The following PSMB3 variants were observed in gnomAD, a reference collection of about 807,000 sequenced individuals.
PSMB3 encodes proteasome 20S subunit beta 3, also known as proteasome subunit beta type-3.
Under a neutral mutation model 23.3 loss-of-function variants are expected in PSMB3, and 5 were observed. The ratio of observed to expected loss-of-function variants is 0.21; its 90% confidence interval spans 0.11 to 0.45. PSMB3 has a LOEUF of 0.45. Among genes scored for constraint, PSMB3 ranks in the 20% least tolerant of loss-of-function variants. The probability of loss-of-function intolerance (pLI) is 0.99; values close to 1 mark genes in which losing one functional copy is unlikely to be tolerated. For synonymous variants in PSMB3, 85 were observed against 99.8 expected (o/e 0.85, Z 0.88); for missense variants, 192 against 277.9 (o/e 0.69, Z 2.20).
chr17:38,763,409 T>C (rs904170775), intron 5 of PSMB3, among the ~76,000 whole-genome samples: 1 of 150,604 alleles, frequency 6.6e-6, no homozygotes, highest in African/African-American at 2.4e-5. Context: ...CCACCGACGG[T>C]TTTTTTTTAT....
In PSMB3 at chr17:38,764,188, T is replaced by A; in HGVS notation, c.*21T>A. The stretch of plus-strand genomic sequence containing the variant: ...ACTAACCCTGTTCCCAGAGCCCACT[T>A]TTTTTTCTTTTTTTGAAATAAAATA... On this transcript the variant is annotated 3_prime_UTR_variant, in exon 6 of 6. Coordinates refer to ENST00000619426, the MANE Select transcript of PSMB3 (RefSeq NM_002795.4). 2 of 1,608,760 alleles carry A rather than the reference T, an allele frequency of 1.2e-6. No individual in the cohort carries two copies. The highest frequency in any genetic ancestry group is 1.7e-6 in the Non-Finnish European group (2 of 1,177,240).
chr17:38,763,541 G>A (rs1229727757), intron 5 of PSMB3, among the ~76,000 whole-genome samples: 7 of 112,394 alleles, frequency 6.2e-5, no homozygotes, highest in Non-Finnish European at 9.9e-5. Context: ...TCATTCTGTC[G>A]CCCAGGCTGG....
chr17:38,762,564 T>C, intron 5 of PSMB3, 59 bp downstream of exon 5: 1 of 1,485,976 alleles, frequency 6.7e-7, no homozygotes, highest in South Asian at 1.1e-5. Context: ...CTCTCCCTTC[T>C]CCACGAGCAT....
chr17:38,752,805 G>A lies in PSMB3; in HGVS notation c.-22G>A, dbSNP rs1320186572. 6.2e-7 allele frequency: 1 copy of A among 1,614,052 alleles called. No homozygotes were observed. Among genetic ancestry groups the A allele is most frequent in the Non-Finnish European group, 8.5e-7 (1 of 1,180,006 alleles). On this transcript the variant is annotated 5_prime_UTR_variant, in exon 1 of 6. Transcript: ENST00000619426. This position sits in a 1 kb window ranked among gnomAD's most constrained non-coding sequence, Gnocchi z 5.5. ...TTACTGGAATTGCTCTGGCGATCGA[G>A]GGATCCTAGTACACCGCAATCATGG... is the stretch of plus-strand genomic sequence containing the variant.
chr17:38,753,742 G>C (rs543465351), intron 2 of PSMB3, among the ~76,000 whole-genome samples: 22 of 152,172 alleles, frequency 1.4e-4, no homozygotes, highest in South Asian at 8.3e-4. Flanking sequence ...GCCTCCCAAA[G>C]TGCTGGGATT....
At chr17:38,754,108 G>T (rs781619617) in intron 2 of PSMB3, among the ~76,000 whole-genome samples, 11 of 152,210 alleles carry the variant, frequency 7.2e-5, no homozygotes, top group Admixed American at 2.0e-4. Flanking sequence ...GGAGCAGCAG[G>T]TCCTGGATTT....
At chr17:38,759,448 C>T (rs1459002593) in intron 3 of PSMB3, among the ~76,000 whole-genome samples, 1 of 152,200 alleles carries the variant, frequency 6.6e-6, no homozygotes, top group East Asian at 1.9e-4. Context: ...TTTGCACCAT[C>T]ATAAAGTTGA....
intron 2 of PSMB3, 144 bp from the exon 3 acceptor site, chr17:38,755,739 C>A: frequency 4.0e-6 from 2 of 496,342 alleles, no homozygotes; most frequent in Non-Finnish European, 3.7e-6. Context: ...GCACCAGTTG[C>A]TACTTCCTAA....
intron 3 of PSMB3, among the ~76,000 whole-genome samples, chr17:38,756,715 C>T (rs113187214): frequency 0.012 from 1,893 of 152,028 alleles, 40 homozygotes; most frequent in African/African-American, 0.043. Context: ...AGGCTGGTCT[C>T]GAACTCCTGA....
intron 2 of PSMB3, among the ~76,000 whole-genome samples, 170 bp from the exon 3 acceptor site, chr17:38,755,713 T>TGTGTGTGTGTGC (rs1908164956): frequency 8.6e-6 from 1 of 116,472 alleles, no homozygotes; most frequent in Admixed American, 8.6e-5. Flanking sequence ...TGTGTGTGTG[T>TGTGTGTGTGTGC]GTGCTGCCAA....
At chr17:38,757,674 G>A (rs1359961999) in intron 3 of PSMB3, among the ~76,000 whole-genome samples, 3 of 152,208 alleles carry the variant, frequency 2.0e-5, no homozygotes, top group African/African-American at 4.8e-5. Flanking sequence ...AATTAGCTGG[G>A]CGTGGTGGCA....
chr17:38,755,979 G>T lies in PSMB3; in HGVS notation c.285G>T (p.Leu95Phe). The change falls in exon 3 of 6, where the codon TTG becomes TTT. Residue 95 changes from leucine (L) to phenylalanine (F), a missense_variant. Transcript: ENST00000619426. ...YTLMSMVANL[L>F]YEKRFGPYYT... ...TCATGAGCATGGTGGCCAACCTCTTGTATGAGAAACGGTGAGTGCAAGTGT... is the reference window on the plus strand; with the variant it reads ...TCATGAGCATGGTGGCCAACCTCTTTTATGAGAAACGGTGAGTGCAAGTGT... 8 of 1,612,956 alleles carry T rather than the reference G, an allele frequency of 5.0e-6. No homozygotes were observed. The highest frequency in any genetic ancestry group is 4.2e-6 in the Non-Finnish European group (5 of 1,178,934).
chr17:38,763,839 C>G (rs1479937687), intron 5 of PSMB3, among the ~76,000 whole-genome samples: 1 of 152,156 alleles, frequency 6.6e-6, no homozygotes, highest in African/African-American at 2.4e-5. Context: ...TGAAGTCTGG[C>G]CCTGAATCAT....
At chr17:38,760,676 T>C (rs1908398027) in intron 4 of PSMB3, 68 bp downstream of exon 4, 1 of 1,569,742 alleles carries the variant, frequency 6.4e-7, no homozygotes, top group South Asian at 1.1e-5. Flanking sequence ...GAAAAAAGTG[T>C]GTTTATGTGG....
Position 38,764,188 on chromosome 17 carries a change from TTTTTTTC to T in PSMB3, c.*28_*34del, listed in dbSNP as rs771018832. Reference sequence around the variant, plus strand: ...ACTAACCCTGTTCCCAGAGCCCACTTTTTTTTCTTTTTTTGAAATAAAATAGCCTGTC... The same window carrying T: ...ACTAACCCTGTTCCCAGAGCCCACTTTTTTTTTGAAATAAAATAGCCTGTC... On this transcript the variant is annotated 3_prime_UTR_variant, in exon 6 of 6. Transcript: ENST00000619426. The T allele has an allele frequency of 1.2e-5, 20 of 1,608,642 alleles. No homozygotes were observed. The South Asian group carries it at 2.1e-4, about 17-fold the overall frequency.
rs757840405 is a variant in PSMB3 at position 38,752,777 on chromosome 17, G to C, written c.-50G>C. 1.9e-6 allele frequency: 3 copies of C among 1,613,272 alleles called. No individual in the cohort carries two copies. The highest frequency in any genetic ancestry group is 2.7e-5 in the African/African-American group (2 of 75,024). ...CGGTTGCGCAGTGAAGGCTAGACCC[G>C]GTTTACTGGAATTGCTCTGGCGATC... On this transcript the variant is annotated 5_prime_UTR_variant, in exon 1 of 6. Transcript: ENST00000619426. This position sits in a 1 kb window ranked among gnomAD's most constrained non-coding sequence, Gnocchi z 5.5.
intron 5 of PSMB3, among the ~76,000 whole-genome samples, chr17:38,762,728 C>T (rs923726822): frequency 1.8e-4 from 28 of 152,266 alleles, no homozygotes; most frequent in Admixed American, 1.6e-3. Flanking sequence ...TCTGTGACCC[C>T]GTGCTCACAA....
chr17:38,760,846 A>G (rs1908404258), intron 4 of PSMB3, among the ~76,000 whole-genome samples: 2 of 152,200 alleles, frequency 1.3e-5, no homozygotes, highest in Non-Finnish European at 1.5e-5. Flanking sequence ...AGCAGTAAGA[A>G]TTCCTTACAT....
intron 5 of PSMB3, among the ~76,000 whole-genome samples, chr17:38,763,099 G>A (rs929080915): frequency 6.6e-6 from 1 of 152,210 alleles, no homozygotes; most frequent in African/African-American, 2.4e-5. Flanking sequence ...GCTCACGCCT[G>A]TAATCCCAGC....
Sources: allele counts gnomAD v4.1 joint callset (sites outside exome capture counted in the v4.1 genomes callset), GRCh38; gene constraint gnomAD v4.1.1; non-coding constraint Gnocchi (gnomAD v3.1); transcripts MANE v1.5; gene names NCBI Gene and HGNC (gene_info 2026-07-23, HGNC 2026-07-21).